IL23R: variants seen among roughly 807,000 people sequenced by gnomAD.
IL23R encodes interleukin 23 receptor, also known as interleukin-23 receptor.
IL23R carries 34 observed loss-of-function variants against 56.9 expected under a neutral mutation model. The observed-to-expected ratio is 0.60, with a 90% CI of 0.45 to 0.80. IL23R has a LOEUF of 0.80. IL23R is among the 30% of genes least tolerant of loss of function. The probability of loss-of-function intolerance (pLI) is 0.00; values close to 1 mark genes in which losing one functional copy is unlikely to be tolerated. For missense variants in IL23R, 635 were observed against 730.0 expected (o/e 0.87, Z 1.50); for synonymous variants, 230 against 249.2 (o/e 0.92, Z 0.73).
chr1:67,258,483 T>C lies in IL23R; in HGVS notation c.1245T>C (p.Asn415=), dbSNP rs776882948. ...ATGATGTCTTTTTTTCCTAGGAAAA[T>C]AGTGAACTTATGAATAATAATTCCA... The part of the protein sequence containing the change: ...NSNVVKMLQE[N]SELMNNNSSE... The change falls in exon 11 of 11, where the codon AAT becomes AAC. Residue 415 remains asparagine, a synonymous_variant. Transcript: ENST00000347310. 3.1e-6 allele frequency: 5 copies of C among 1,596,468 alleles called. No individual in the cohort carries two copies. In the Admixed American group the frequency reaches 7.0e-5, roughly 22 times the overall value.
intron 1 of IL23R, among the ~76,000 whole-genome samples, chr1:67,139,914 A>C (rs548803791): frequency 6.6e-6 from 1 of 152,284 alleles, no homozygotes; most frequent in East Asian, 1.9e-4. Context: ...TTATGGGTTA[A>C]CAGATTAATG....
At chr1:67,261,454 A>G (rs184620504), downstream of IL23R, among the ~76,000 whole-genome samples, 922 of 152,000 alleles carry the variant, frequency 6.1e-3, 14 homozygotes, top group African/African-American at 0.021. Context: ...AGTGTAAAAA[A>G]AAAAAAAAGT....
intron 7 of IL23R, among the ~76,000 whole-genome samples, chr1:67,227,559 A>AT (rs1449002888): frequency 6.6e-6 from 1 of 152,102 alleles, no homozygotes; most frequent in Admixed American, 6.6e-5. Context: ...ATGCTCATTA[A>AT]TTTTTCAGGT....
At chr1:67,260,147 C>T (rs1015665741), downstream of IL23R, among the ~76,000 whole-genome samples, 5 of 151,692 alleles carry the variant, frequency 3.3e-5, no homozygotes, top group Middle Eastern at 3.2e-3. Flanking sequence ...TTATTTTTTT[C>T]CCCTACTCTC....
At chr1:67,207,196 T>C (rs752672416) in intron 6 of IL23R, 141 bp downstream of exon 6, 4 of 984,800 alleles carry the variant, frequency 4.1e-6, no homozygotes, top group Admixed American at 2.0e-5. Context: ...ACTTTAGTTT[T>C]TGTTTTATAA....
chr1:67,206,049 G>A (rs958113973), intron 5 of IL23R, among the ~76,000 whole-genome samples: 8 of 146,282 alleles, frequency 5.5e-5, no homozygotes, highest in Non-Finnish European at 8.9e-5. Flanking sequence ...GTCTCGCTCC[G>A]CCACCCAGGC....
chr1:67,172,203 G>A (rs115141928), intron 3 of IL23R, among the ~76,000 whole-genome samples: 1 of 152,270 alleles, frequency 6.6e-6, no homozygotes, highest in African/African-American at 2.4e-5. Context: ...TGAGGGTTTT[G>A]TGGCATTCTA....
At chr1:67,232,446 C>A (rs1651162527) in intron 7 of IL23R, among the ~76,000 whole-genome samples, 1 of 152,140 alleles carries the variant, frequency 6.6e-6, no homozygotes, top group Non-Finnish European at 1.5e-5. Context: ...CCTGAGCCAT[C>A]CTGCTGTGGA....
At chr1:67,178,021 C>A (rs953566532) in intron 3 of IL23R, among the ~76,000 whole-genome samples, 2 of 151,768 alleles carry the variant, frequency 1.3e-5, no homozygotes, top group Non-Finnish European at 2.9e-5. Flanking sequence ...GTTACTGTAG[C>A]CTTGTAGTAT....
At chr1:67,183,754 T>C (rs930248573) in intron 4 of IL23R, among the ~76,000 whole-genome samples, 1 of 152,152 alleles carries the variant, frequency 6.6e-6, no homozygotes, top group African/African-American at 2.4e-5. Context: ...ATGGAAGCTA[T>C]TGTTAATAAT....
intron 4 of IL23R, among the ~76,000 whole-genome samples, chr1:67,198,202 G>A (rs1047180945): frequency 2.0e-5 from 3 of 152,160 alleles, no homozygotes; most frequent in African/African-American, 7.2e-5. Context: ...CACTGGTGAT[G>A]ACTTTGCAAC....
chr1:67,226,087 A>G (rs1370845722), intron 7 of IL23R, among the ~76,000 whole-genome samples: 5 of 152,220 alleles, frequency 3.3e-5, no homozygotes, highest in African/African-American at 1.2e-4. Flanking sequence ...CAAACCCGTT[A>G]CAGGAGGGGG....
rs551451479 is a variant in IL23R at position 67,200,718 on chromosome 1, C to CT, written c.492-9dup. On this transcript the variant is annotated intron_variant, in intron 4 of 10. Transcript: ENST00000347310. ...CAAACTAAATACAATTTATGATCAT[C>CT]TTTTTTTTTTGTTTTAAGTTTAGAG... 4.1e-3 allele frequency: 5,238 copies of CT among 1,278,700 alleles called. No individual in the cohort carries two copies. The highest frequency in any genetic ancestry group is 4.6e-3 in the Non-Finnish European group (4,223 of 927,660). 79.2% of individuals were successfully genotyped at this position (1,278,700 alleles called of 1,614,324 possible).
chr1:67,152,021 G>C (rs559159119), intron 1 of IL23R, among the ~76,000 whole-genome samples: 3 of 152,252 alleles, frequency 2.0e-5, no homozygotes, highest in Non-Finnish European at 4.4e-5. Flanking sequence ...AGTTGGATGG[G>C]AATAGGCTTG....
intron 2 of IL23R, among the ~76,000 whole-genome samples, chr1:67,168,886 G>A (rs956931739): frequency 2.0e-5 from 3 of 152,104 alleles, no homozygotes; most frequent in Non-Finnish European, 2.9e-5. Flanking sequence ...GAGGCCAGAC[G>A]AGGTGGCTAA....
chr1:67,177,570 CCT>C (rs1317646539), intron 3 of IL23R, among the ~76,000 whole-genome samples: 5 of 151,656 alleles, frequency 3.3e-5, no homozygotes, highest in Admixed American at 2.0e-4. Context: ...CTGTAGGTTG[CCT>C]GTTCACTCTG....
At chr1:67,228,057 CTTTCTCTG>C (rs1558254205) in intron 7 of IL23R, among the ~76,000 whole-genome samples, 11 of 88,086 alleles carry the variant, frequency 1.2e-4, no homozygotes, top group Non-Finnish European at 1.5e-4. Flanking sequence ...TTCTTTCTTT[CTTTCTCTG>C]TCTCTCTCTT....
chr1:67,165,793 G>A (rs1002791359), upstream of IL23R, among the ~76,000 whole-genome samples: 3 of 152,194 alleles, frequency 2.0e-5, no homozygotes, highest in Non-Finnish European at 4.4e-5. Context: ...ATAGAATGGT[G>A]GTTACCAAGG....
intron 1 of IL23R, among the ~76,000 whole-genome samples, chr1:67,167,159 A>G (rs1646882978): frequency 6.6e-6 from 1 of 152,048 alleles, no homozygotes; most frequent in African/African-American, 2.4e-5. Context: ...CTGGAGTGCA[A>G]TGGTGTGATC....
Sources: gnomAD v4.1 joint callset for allele counts (sites outside exome capture counted in the v4.1 genomes callset) on GRCh38, gnomAD v4.1.1 for gene constraint, MANE v1.5 for transcripts, NCBI Gene and HGNC (gene_info 2026-07-23, HGNC 2026-07-21) for gene names.